CDH4: variants seen among roughly 807,000 people sequenced by gnomAD.
The protein encoded by CDH4 is cadherin 4.
A neutral mutation model predicts 86.0 loss-of-function variants in CDH4; 33 were observed. The ratio of observed to expected loss-of-function variants is 0.38; its 90% CI spans 0.29 to 0.51. The LOEUF is 0.51. CDH4 is among the 20% of genes least tolerant of loss of function. The pLI is 0.86. For synonymous variants in CDH4, 555 were observed against 549.4 expected (o/e 1.01, Z -0.14); for missense variants, 1,114 against 1,307.4 (o/e 0.85, Z 2.28).
rs2086063135 is a variant in CDH4 at position 61,544,522 on chromosome 20, C to CA, written c.170-199040dup. 6.6e-6 allele frequency among the ~76,000 whole-genome samples: 1 copy of CA among 151,708 alleles called. No individual in the cohort carries two copies. Among genetic ancestry groups the CA allele is most frequent in the African/African-American group, 2.4e-5 (1 of 41,300 alleles). Reference sequence around the variant, plus strand: ...TGGATTATGCATCCAGGAATTAAAGCAGTCCATGCAATGGCAGCCGCCAAG... The same window carrying CA: ...TGGATTATGCATCCAGGAATTAAAGCAAGTCCATGCAATGGCAGCCGCCAAG... On this transcript the variant is annotated intron_variant, in intron 2 of 15. Transcript: ENST00000614565. The surrounding 1 kb of genome is among the most constrained non-coding windows in gnomAD (Gnocchi z 6.5).
Position 61,728,120 on chromosome 20 carries a change from T to C in CDH4, c.170-15443T>C, listed in dbSNP as rs367838405. The stretch of plus-strand genomic sequence containing the variant: ...CCTACCCTAGGAGGATCCAGAGACC[T>C]CAGCACACCTTTTTTCTCTCTAAAC... On this transcript the variant is annotated intron_variant, in intron 2 of 15. Transcript: ENST00000614565. Among the ~76,000 whole-genome samples, 62 of 152,056 alleles carry C rather than the reference T, an allele frequency of 4.1e-4. 1 individual carries two copies. The South Asian group carries it at 6.9e-3, about 17-fold the overall frequency.
chr20:61,791,072 A>G (rs924165075), intron 4 of CDH4, among the ~76,000 whole-genome samples: 9 of 140,378 alleles, frequency 6.4e-5, no homozygotes, highest in Non-Finnish European at 9.7e-5. Context: ...ACTGTTTCAA[A>G]ACGCTTAAGG....
At chr20:61,557,325 G>T (rs1371316753) in intron 2 of CDH4, among the ~76,000 whole-genome samples, 1 of 152,210 alleles carries the variant, frequency 6.6e-6, no homozygotes, top group Non-Finnish European at 1.5e-5. Context: ...CCTCCTGCAG[G>T]AATATTCGCA....
intron 2 of CDH4, chr20:61,718,613 G>A (rs944267): frequency 0.091 from 32,790 of 361,682 alleles, 2,737 homozygotes; most frequent in East Asian, 0.37. Flanking sequence ...GGGGCTACCC[G>A]ACTGGGTGTC....
At chr20:61,724,543 C>G (rs2088087224) in intron 2 of CDH4, among the ~76,000 whole-genome samples, 1 of 152,198 alleles carries the variant, frequency 6.6e-6, no homozygotes, top group Non-Finnish European at 1.5e-5. Context: ...AAACAAAGGC[C>G]CTTCCAGACA....
At chr20:61,374,116 G>A (rs1195009190) in intron 2 of CDH4, among the ~76,000 whole-genome samples, 1 of 152,202 alleles carries the variant, frequency 6.6e-6, no homozygotes, top group Non-Finnish European at 1.5e-5. Context: ...CTGTCACAGA[G>A]CTGGCACTGA....
chr20:61,660,134 G>A (rs1481788238), intron 2 of CDH4, among the ~76,000 whole-genome samples: 2 of 152,174 alleles, frequency 1.3e-5, no homozygotes, highest in Non-Finnish European at 2.9e-5. Flanking sequence ...GGCCGGCTGA[G>A]CCTTGGGTGA....
At chr20:61,545,976 G>GCA in intron 2 of CDH4, among the ~76,000 whole-genome samples, 1 of 137,016 alleles carries the variant, frequency 7.3e-6, no homozygotes, top group Non-Finnish European at 1.6e-5. Flanking sequence ...GTGTGTGTGT[G>GCA]TGTGTGGAGG....
chr20:61,375,925 C>CTTGATGCTGCTGATGGTAT (rs2084867465), intron 2 of CDH4, among the ~76,000 whole-genome samples: 3 of 6,154 alleles, frequency 4.9e-4, no homozygotes, highest in African/African-American at 1.2e-3. Flanking sequence ...GGTCTTGGTG[C>CTTGATGCTGCTGATGGTAT]TGGTGATGAT....
At chr20:61,724,259 CT>C (rs1275386977) in intron 2 of CDH4, among the ~76,000 whole-genome samples, 2 of 152,152 alleles carry the variant, frequency 1.3e-5, no homozygotes, top group African/African-American at 4.8e-5. Context: ...CCTGCCCCTG[CT>C]TCAAGGCAGC....
intron 4 of CDH4, among the ~76,000 whole-genome samples, chr20:61,835,042 C>T (rs1234061524): frequency 6.6e-6 from 1 of 152,184 alleles, no homozygotes; most frequent in East Asian, 1.9e-4. Context: ...AGAAAGAATG[C>T]AGGCAACAAA....
chr20:61,647,562 T>TCCCTCC (rs2087077073), intron 2 of CDH4, among the ~76,000 whole-genome samples: 1 of 100,246 alleles, frequency 1.0e-5, no homozygotes, highest in African/African-American at 3.8e-5. Flanking sequence ...CCTCTCCCTC[T>TCCCTCC]CCCTCTCCCT....
At chr20:61,835,417 A>G (rs1364482906) in intron 4 of CDH4, among the ~76,000 whole-genome samples, 1 of 152,182 alleles carries the variant, frequency 6.6e-6, no homozygotes, top group Non-Finnish European at 1.5e-5. Context: ...TAGGATGACA[A>G]TTCCACTGGG....
intron 7 of CDH4, among the ~76,000 whole-genome samples, chr20:61,886,978 A>G (rs1336096986): frequency 6.6e-6 from 1 of 152,074 alleles, no homozygotes; most frequent in African/African-American, 2.4e-5. Flanking sequence ...CCTTTTAGAT[A>G]AATGTGTCGA....
At chr20:61,818,337 T>C (rs887868148) in intron 4 of CDH4, among the ~76,000 whole-genome samples, 13 of 152,220 alleles carry the variant, frequency 8.5e-5, no homozygotes, top group African/African-American at 3.1e-4. Context: ...TTCTGGGCTT[T>C]ACTTGGTGAG....
At chr20:61,395,322 C>T (rs1162549866) in intron 2 of CDH4, among the ~76,000 whole-genome samples, 1 of 152,102 alleles carries the variant, frequency 6.6e-6, no homozygotes, top group Admixed American at 6.5e-5. Flanking sequence ...CATAAATTGA[C>T]ATGTTAAAGT....
chr20:61,402,598 C>T (rs923277955), intron 2 of CDH4, among the ~76,000 whole-genome samples: 27 of 152,270 alleles, frequency 1.8e-4, no homozygotes, highest in African/African-American at 6.5e-4. Flanking sequence ...ATCATGTTGG[C>T]CAGGCCGGTC....
intron 2 of CDH4, among the ~76,000 whole-genome samples, chr20:61,338,887 C>G (rs2084633973): frequency 6.6e-6 from 1 of 152,148 alleles, no homozygotes; most frequent in Non-Finnish European, 1.5e-5. Flanking sequence ...CCTAGAGATG[C>G]TCTTGAACAT....
chr20:61,441,839 C>T (rs572149988), intron 2 of CDH4, among the ~76,000 whole-genome samples: 7 of 152,220 alleles, frequency 4.6e-5, no homozygotes, highest in Non-Finnish European at 7.4e-5. Flanking sequence ...TATCAGACTA[C>T]GACAGGACCC....
Sources: allele counts gnomAD v4.1 joint callset (sites outside exome capture counted in the v4.1 genomes callset), GRCh38; gene constraint gnomAD v4.1.1; non-coding constraint Gnocchi (gnomAD v3.1); transcripts MANE v1.5; gene names NCBI Gene and HGNC (gene_info 2026-07-23, HGNC 2026-07-21).